The following CSPP1 variants were observed in gnomAD, a reference collection of about 807,000 sequenced individuals.
The protein encoded by CSPP1 is centrosome and spindle pole associated protein 1, also known as centrosome and spindle pole-associated protein 1.
In CSPP1, 126 loss-of-function variants were observed where a neutral mutation model predicts 164.4. The ratio of observed to expected loss-of-function variants is 0.77; its 90% CI spans 0.66 to 0.89. CSPP1 has a LOEUF of 0.89. CSPP1 is among the 40% of genes least tolerant of loss of function. The pLI is 0.00. For missense variants in CSPP1, 1,395 were observed against 1,449.8 expected (o/e 0.96, Z 0.61); for synonymous variants, 472 against 476.7 (o/e 0.99, Z 0.13).
chr8:67,104,015 T>C (rs1423533185), intron 8 of CSPP1, among the ~76,000 whole-genome samples: 2 of 152,194 alleles, frequency 1.3e-5, no homozygotes, highest in African/African-American at 4.8e-5. Flanking sequence ...TTTATATTTA[T>C]GTTCTCTTTC....
At chr8:67,137,692 A>G (rs1822636640) in intron 17 of CSPP1, 89 bp downstream of exon 17, 4 of 685,876 alleles carry the variant, frequency 5.8e-6, no homozygotes, top group Non-Finnish European at 6.8e-6. Context: ...AGTAGGAATC[A>G]TAGCCTCTAT....
At chr8:67,174,394 TAGTG>T (rs1230886124) in intron 25 of CSPP1, 1 of 152,130 alleles carries the variant, frequency 6.6e-6, no homozygotes, top group Non-Finnish European at 1.5e-5. Context: ...GCAGTGTAAT[TAGTG>T]AGTCAAAGGG....
At position 67,118,289 on chromosome 8, in the gene CSPP1, C is replaced by A; in HGVS notation, c.1538C>A (p.Ala513Asp). 6.2e-7 allele frequency: 1 copy of A among 1,613,468 alleles called. No homozygotes were observed. The highest frequency in any genetic ancestry group is 1.1e-5 in the South Asian group (1 of 91,060). Residue 513 changes from alanine (A) to aspartate (D), a missense_variant, in exon 14 of 31, where the codon GCT becomes GAT. Transcript: ENST00000678616. ...LPPPPLLPPL[A>D]TNYRTPYDDA... The stretch of plus-strand genomic sequence containing the variant: ...CCACCTCCCCTACTACCACCTTTGG[C>A]TACTAACTATCGAACTCCTTATGAT...
intron 24 of CSPP1, among the ~76,000 whole-genome samples, chr8:67,172,154 A>ATTTT (rs540548645): frequency 3.8e-4 from 48 of 124,862 alleles, no homozygotes; most frequent in African/African-American, 8.0e-4. Flanking sequence ...TGGCCTCATA[A>ATTTT]TTTTTTTTTT....
chr8:67,099,852 C>G (rs1332365976), intron 7 of CSPP1, among the ~76,000 whole-genome samples: 2 of 152,030 alleles, frequency 1.3e-5, no homozygotes, highest in Non-Finnish European at 2.9e-5. Context: ...GGCTAACTTA[C>G]CAAACTATAG....
At chr8:67,080,686 G>A (rs1808960788) in intron 3 of CSPP1, among the ~76,000 whole-genome samples, 1 of 152,206 alleles carries the variant, frequency 6.6e-6, no homozygotes, top group Admixed American at 6.5e-5. Context: ...ATGACTCACA[G>A]AACTCAAGAA....
intron 4 of CSPP1, among the ~76,000 whole-genome samples, chr8:67,087,529 A>G (rs145535385): frequency 7.9e-4 from 121 of 152,286 alleles, no homozygotes; most frequent in Non-Finnish European, 1.2e-3. Context: ...GGGAATTTCT[A>G]TTTTGTGAGG....
At chr8:67,169,692 G>A (rs1300690460) in intron 24 of CSPP1, among the ~76,000 whole-genome samples, 3 of 151,904 alleles carry the variant, frequency 2.0e-5, no homozygotes, top group African/African-American at 4.8e-5. Context: ...CACCCGCCTC[G>A]GCCTCCCAAA....
chr8:67,124,195 G>A (rs951715572), intron 15 of CSPP1, among the ~76,000 whole-genome samples: 5 of 151,980 alleles, frequency 3.3e-5, no homozygotes, highest in Non-Finnish European at 7.4e-5. Flanking sequence ...CACCGCACCC[G>A]GCCTATTAGT....
chr8:67,168,017 G>A lies in CSPP1; in HGVS notation c.2828+3509G>A, dbSNP rs570384782. ...TCCAGCCTGGGCAACATTGAGCACT[G>A]AGTGAACGAGACTCCGTCTGCAATC... On this transcript the variant is annotated intron_variant, in intron 24 of 30. Coordinates refer to ENST00000678616, the MANE Select transcript of CSPP1 (RefSeq NM_001382391.1). Among the ~76,000 whole-genome samples, 13 of 152,342 alleles carry A rather than the reference G, an allele frequency of 8.5e-5. No individual in the cohort carries two copies. In the East Asian group the frequency reaches 2.5e-3, roughly 29 times the overall value.
chr8:67,085,783 G>A (rs1480281101), intron 3 of CSPP1, among the ~76,000 whole-genome samples: 2 of 152,044 alleles, frequency 1.3e-5, no homozygotes, highest in Non-Finnish European at 1.5e-5. Flanking sequence ...TTCTGGACAG[G>A]AGAACAGGGT....
intron 8 of CSPP1, among the ~76,000 whole-genome samples, 174 bp from the exon 9 acceptor site, chr8:67,105,731 A>G (rs1461488025): frequency 1.3e-5 from 2 of 152,210 alleles, no homozygotes. Context: ...GTTGCACTGT[A>G]TAAAGAGATA....
At chr8:67,111,601 T>G (rs1334758932) in intron 9 of CSPP1, among the ~76,000 whole-genome samples, 1 of 152,164 alleles carries the variant, frequency 6.6e-6, no homozygotes, top group Non-Finnish European at 1.5e-5. Context: ...GAGGGGCAGT[T>G]GGTTTTGAGA....
intron 19 of CSPP1, among the ~76,000 whole-genome samples, chr8:67,156,050 A>G (rs536457725): frequency 6.6e-6 from 1 of 152,324 alleles, no homozygotes; most frequent in African/African-American, 2.4e-5. Context: ...ACAGCAGGTC[A>G]TAATTTAAGT....
intron 4 of CSPP1, among the ~76,000 whole-genome samples, chr8:67,089,334 G>T (rs1811134500): frequency 6.6e-6 from 1 of 151,942 alleles, no homozygotes; most frequent in South Asian, 2.1e-4. Flanking sequence ...TTTTTAAATT[G>T]AGTCAGTTAA....
At chr8:67,183,843 ATTTT>A (rs918103972) in intron 28 of CSPP1, among the ~76,000 whole-genome samples, 122 of 108,212 alleles carry the variant, frequency 1.1e-3, no homozygotes, top group African/African-American at 4.4e-3. Flanking sequence ...AAAATTGGGA[ATTTT>A]TTTTTTTTTT....
At chr8:67,166,607 A>G (rs1454224677) in intron 24 of CSPP1, among the ~76,000 whole-genome samples, 2 of 152,212 alleles carry the variant, frequency 1.3e-5, no homozygotes, top group East Asian at 3.8e-4. Context: ...TAGTAGGTCA[A>G]TACGTTCCAA....
intron 8 of CSPP1, among the ~76,000 whole-genome samples, chr8:67,103,456 C>G (rs1261047565): frequency 2.0e-5 from 3 of 151,850 alleles, no homozygotes; most frequent in Non-Finnish European, 4.4e-5. Context: ...TAAAAATCAA[C>G]TTAAAATATC....
At chr8:67,093,683 C>A in intron 6 of CSPP1, 42 bp downstream of exon 6, 3 of 1,062,746 alleles carry the variant, frequency 2.8e-6, no homozygotes, top group South Asian at 1.5e-5. Flanking sequence ...ACTACTACCA[C>A]AGGTTGAATA....
Sources: gnomAD v4.1 joint callset for allele counts (sites outside exome capture counted in the v4.1 genomes callset) on GRCh38, gnomAD v4.1.1 for gene constraint, MANE v1.5 for transcripts, NCBI Gene and HGNC (gene_info 2026-07-23, HGNC 2026-07-21) for gene names.